NSD1: variants seen among roughly 807,000 people sequenced by gnomAD.
NSD1 encodes the protein nuclear receptor binding SET domain protein 1.
NSD1 carries 26 observed loss-of-function variants against 242.7 expected under a neutral mutation model. That is an observed-to-expected ratio of 0.11 (90% CI 0.08 to 0.15). NSD1 has a LOEUF of 0.15. Among genes scored for constraint, NSD1 ranks in the 10% least tolerant of loss-of-function variants. NSD1 has a pLI of 1.00. For synonymous variants in NSD1, 1,106 were observed against 1,178.1 expected (o/e 0.94, Z 1.25); for missense variants, 2,495 against 3,272.8 (o/e 0.76, Z 5.80).
At chr5:177,142,652 T>C (rs1302929762) in intron 2 of NSD1, among the ~76,000 whole-genome samples, 2 of 152,242 alleles carry the variant, frequency 1.3e-5, no homozygotes, top group East Asian at 3.8e-4. Flanking sequence ...TTTTTACTAT[T>C]ACAAAATTTT....
intron 16 of NSD1, among the ~76,000 whole-genome samples, chr5:177,270,945 G>C (rs559670959): frequency 1.3e-5 from 2 of 152,174 alleles, no homozygotes; most frequent in South Asian, 4.2e-4. Context: ...AATACTTCAG[G>C]AGCTGGGGTC....
intron 21 of NSD1, among the ~76,000 whole-genome samples, chr5:177,290,534 G>A (rs1013173802): frequency 6.6e-5 from 10 of 151,122 alleles, no homozygotes; most frequent in Admixed American, 2.0e-4. Context: ...CAGCCTCCCA[G>A]GTAGCTGGGA....
intron 16 of NSD1, among the ~76,000 whole-genome samples, chr5:177,270,959 A>G (rs1757900185): frequency 6.6e-6 from 1 of 152,100 alleles, no homozygotes; most frequent in African/African-American, 2.4e-5. Context: ...TGGGGTCTTG[A>G]GTCTTGTAAT....
intron 5 of NSD1, among the ~76,000 whole-genome samples, chr5:177,218,984 AG>A (rs2149860712): frequency 6.6e-6 from 1 of 152,058 alleles, no homozygotes; most frequent in East Asian, 1.9e-4. Flanking sequence ...TATTTATAAA[AG>A]ATGTTGCTCT....
intron 2 of NSD1, among the ~76,000 whole-genome samples, chr5:177,189,632 A>G (rs1471390493): frequency 6.6e-6 from 1 of 152,204 alleles, no homozygotes; most frequent in Non-Finnish European, 1.5e-5. Context: ...AACCACAGGC[A>G]TGTAGTAAAA....
chr5:177,236,817 C>T (rs185568310), intron 6 of NSD1, among the ~76,000 whole-genome samples: 1 of 152,262 alleles, frequency 6.6e-6, no homozygotes, highest in East Asian at 1.9e-4. Context: ...TGTTTTATTC[C>T]CATCAGCCAT....
chr5:177,249,438 T>C (rs1229076012), intron 11 of NSD1, among the ~76,000 whole-genome samples: 3 of 151,670 alleles, frequency 2.0e-5, no homozygotes, highest in Middle Eastern at 3.2e-3. Context: ...GTTTTTCTTT[T>C]TTCTTTTTTA....
intron 2 of NSD1, among the ~76,000 whole-genome samples, chr5:177,185,735 AT>A (rs1362216937): frequency 1.8e-5 from 2 of 108,474 alleles, no homozygotes; most frequent in African/African-American, 3.7e-5. Context: ...TATTATATAT[AT>A]TTTATATATT....
At chr5:177,246,595 T>G in intron 9 of NSD1, 83 bp from the exon 10 acceptor site, 1 of 907,306 alleles carries the variant, frequency 1.1e-6, no homozygotes, top group South Asian at 1.3e-5. Context: ...GTTTTAAGGT[T>G]GGTTTTTATT....
Position 177,258,217 on chromosome 5 carries a change from T to G in NSD1, c.4966+1066T>G, listed in dbSNP as rs1756689410. The stretch of plus-strand genomic sequence containing the variant: ...CTGGTCTTGAACTCCCGACCTCAGG[T>G]GATCTGCCTGCCTCGGCCTCCCAAA... On this transcript the variant is annotated intron_variant, in intron 13 of 22. Coordinates refer to ENST00000439151, the MANE Select transcript of NSD1 (RefSeq NM_022455.5). Among the ~76,000 whole-genome samples the G allele has an allele frequency of 2.0e-5, 3 of 151,848 alleles. No individual in the cohort carries two copies. In the South Asian group the frequency reaches 6.3e-4, roughly 32 times the overall value.
upstream of NSD1, among the ~76,000 whole-genome samples, chr5:177,132,420 C>T (rs565647054): frequency 2.0e-5 from 3 of 151,536 alleles, no homozygotes; most frequent in Non-Finnish European, 4.4e-5. The surrounding 1 kb of genome is among the most constrained non-coding windows in gnomAD (Gnocchi z 7.5). Context: ...GCCCGCTGCC[C>T]GAGCCCCCGT....
intron 13 of NSD1, among the ~76,000 whole-genome samples, chr5:177,259,386 G>C (rs1023001911): frequency 2.6e-5 from 4 of 152,086 alleles, no homozygotes; most frequent in African/African-American, 9.7e-5. Context: ...AGGTAAAGCA[G>C]GAAGTGGGAA....
At chr5:177,268,649 A>AC (rs776890705) in intron 15 of NSD1, among the ~76,000 whole-genome samples, 6 of 151,490 alleles carry the variant, frequency 4.0e-5, no homozygotes, top group Non-Finnish European at 7.4e-5. Flanking sequence ...ATTCTCTCCT[A>AC]CCCCCAGAGG....
intron 2 of NSD1, among the ~76,000 whole-genome samples, chr5:177,183,080 G>C (rs767945938): frequency 2.0e-5 from 3 of 152,096 alleles, no homozygotes; most frequent in Non-Finnish European, 2.9e-5. Context: ...ACCAGCCTCA[G>C]TTAAGGGGTA....
intron 3 of NSD1, among the ~76,000 whole-genome samples, chr5:177,199,613 T>TCTTTTCTTTTCTTTTC (rs776032109): frequency 1.5e-4 from 22 of 151,522 alleles, no homozygotes; most frequent in Middle Eastern, 3.4e-3. Flanking sequence ...TCTTTTCTTT[T>TCTTTTCTTTTCTTTTC]TTTTTGAGAT....
Position 177,135,902 on chromosome 5 carries a change from A to C in NSD1, c.799A>C (p.Ile267Leu). The C allele has an allele frequency of 6.2e-7, 1 of 1,612,252 alleles. No homozygotes were observed. Among genetic ancestry groups the C allele is most frequent in the Non-Finnish European group, 8.5e-7 (1 of 1,178,398 alleles). ...PFSLGDTNIT[I>L]EEQLNSINLS... ...TTCACTAGGAGACACAAACATTACA[A>C]TAGAAGAGCAATTAAACTCAATAAA... Residue 267 changes from isoleucine (I) to leucine (L), a missense_variant, in exon 2 of 23, where the codon ATA becomes CTA. Physicochemically the swap from Ile to Leu is conservative, Grantham distance 5. Coordinates refer to ENST00000439151, the MANE Select transcript of NSD1 (RefSeq NM_022455.5).
intron 14 of NSD1, among the ~76,000 whole-genome samples, chr5:177,262,739 C>G (rs1010052877): frequency 2.0e-5 from 3 of 152,180 alleles, no homozygotes; most frequent in Non-Finnish European, 4.4e-5. Flanking sequence ...CTTAGCCAGG[C>G]GTGATGGCAG....
chr5:177,196,700 G>A (rs1762125580), intron 3 of NSD1, among the ~76,000 whole-genome samples: 1 of 152,122 alleles, frequency 6.6e-6, no homozygotes, highest in Non-Finnish European at 1.5e-5. Flanking sequence ...GATTTTTTGG[G>A]ACAAAAGATA....
intron 3 of NSD1, among the ~76,000 whole-genome samples, chr5:177,202,052 C>T (rs1337549028): frequency 6.6e-6 from 1 of 151,530 alleles, no homozygotes; most frequent in Non-Finnish European, 1.5e-5. Flanking sequence ...CCTGTAGTTC[C>T]AGCTACTTGG....
Sources: gnomAD v4.1 joint callset for allele counts (sites outside exome capture counted in the v4.1 genomes callset) on GRCh38, gnomAD v4.1.1 for gene constraint, Gnocchi (gnomAD v3.1) non-coding constraint, MANE v1.5 for transcripts, NCBI Gene and HGNC (gene_info 2026-07-23, HGNC 2026-07-21) for gene names.